The following PCDH11X variants were observed in gnomAD, a reference collection of about 807,000 sequenced individuals.
PCDH11X encodes protocadherin-11 X-linked.
A neutral mutation model predicts 53.3 loss-of-function variants in PCDH11X; 18 were observed. That is an observed-to-expected ratio of 0.34 (90% CI 0.23 to 0.50). The LOEUF is 0.50. Ranked by LOEUF, PCDH11X falls within the 20% of genes least tolerant of loss-of-function variation. The probability of loss-of-function intolerance (pLI) is 0.98; values close to 1 mark genes in which losing one functional copy is unlikely to be tolerated. For synonymous variants in PCDH11X, 279 were observed against 393.3 expected (o/e 0.71, Z 3.44); for missense variants, 570 against 1,032.4 (o/e 0.55, Z 6.14).
intron 8 of PCDH11X, among the ~76,000 whole-genome samples, chrX:92,376,233 G>A (rs1453091498): frequency 1.8e-5 from 2 of 111,898 alleles, no homozygotes; most frequent in African/African-American, 6.5e-5. Context: ...GTGAGCAACT[G>A]TCTTTAATTT....
intron 10 of PCDH11X, among the ~76,000 whole-genome samples, chrX:92,538,325 CATGTT>C (rs2074702637): frequency 3.9e-5 from 4 of 103,220 alleles, no homozygotes; most frequent in Admixed American, 1.1e-4. Flanking sequence ...TTTATTCTGA[CATGTT>C]ATGTCCTTTC....
intron 8 of PCDH11X, among the ~76,000 whole-genome samples, chrX:92,357,375 C>G (rs186346546): frequency 9.0e-6 from 1 of 111,448 alleles, no homozygotes; most frequent in African/African-American, 3.3e-5. Flanking sequence ...AAAACGAAAT[C>G]TAGTCTTTCT....
intron 6 of PCDH11X, among the ~76,000 whole-genome samples, chrX:92,133,202 C>T (rs1238289139): frequency 8.9e-6 from 1 of 111,754 alleles, no homozygotes; most frequent in Non-Finnish European, 1.9e-5. Flanking sequence ...CTAGTTCTGA[C>T]ATCCTTTATG....
intron 9 of PCDH11X, among the ~76,000 whole-genome samples, chrX:92,407,946 C>A (rs1327394251): frequency 9.2e-6 from 1 of 109,030 alleles, no homozygotes; most frequent in Non-Finnish European, 1.9e-5. Flanking sequence ...AGTGCAGTGG[C>A]ATAATCTCGG....
Position 92,576,884 on chromosome X carries a change from C to A in PCDH11X, c.3368-41380C>A, listed in dbSNP as rs777255223. On this transcript the variant is annotated intron_variant, in intron 10 of 10. Coordinates refer to ENST00000682573, the MANE Select transcript of PCDH11X (RefSeq NM_032968.5). ...TTACAGTGTTATAATATTGTTTTATCTGTGTAATTACTACTAGTAGTAAAT... is the reference window on the plus strand; with the variant it reads ...TTACAGTGTTATAATATTGTTTTATATGTGTAATTACTACTAGTAGTAAAT... 9.6e-4 allele frequency among the ~76,000 whole-genome samples: 107 copies of A among 111,389 alleles called. No individual in the cohort carries two copies. The Middle Eastern group carries it at 0.014, about 15-fold the overall frequency.
chrX:92,029,641 A>G (rs1336960042), intron 6 of PCDH11X, among the ~76,000 whole-genome samples: 6 of 110,783 alleles, frequency 5.4e-5, no homozygotes, highest in Non-Finnish European at 7.5e-5. Flanking sequence ...GTTTAGGCTT[A>G]TAGTAGCATA....
intron 7 of PCDH11X, among the ~76,000 whole-genome samples, chrX:92,230,458 T>TATAA (rs1448058565): frequency 1.1e-5 from 1 of 89,558 alleles, no homozygotes; most frequent in Non-Finnish European, 2.1e-5. Context: ...ATATAATTTA[T>TATAA]AAAATATATA....
At position 92,254,912 on chromosome X, in the gene PCDH11X, A is replaced by C. The variant is rs974055654; in HGVS notation, c.3115-8202A>C. 5.8e-4 allele frequency among the ~76,000 whole-genome samples: 59 copies of C among 100,869 alleles called. 1 individual carries two copies. The East Asian group carries it at 0.011, about 19-fold the overall frequency. 87.6% of individuals were successfully genotyped at this position (100,869 alleles called of 115,157 possible). A position where few individuals can be genotyped will look rare whatever the true frequency, so the allele number is the denominator to read the frequency against. On this transcript the variant is annotated intron_variant, in intron 7 of 10. Coordinates refer to ENST00000682573, the MANE Select transcript of PCDH11X (RefSeq NM_032968.5). ...TTCAACTTTGGTGAATCTGACAATT[A>C]TGTGTCTTGGAGTTGCTCTTCTCGA... is the stretch of plus-strand genomic sequence containing the variant.
At chrX:92,482,886 C>T (rs1466267578) in intron 10 of PCDH11X, among the ~76,000 whole-genome samples, 3 of 111,457 alleles carry the variant, frequency 2.7e-5, no homozygotes, top group Non-Finnish European at 5.7e-5. Flanking sequence ...AGAGGAATAT[C>T]ACTTTAAGAA....
In PCDH11X at chrX:92,134,599, ATAGAG is replaced by A. The variant is rs753399312; in HGVS notation, c.3034-66773_3034-66769del. ...GCAAGAAAAAATTTGGGGTGAGTCC[ATAGAG>A]TAAAGTGAAAGCACGTTTATTAGGA... On this transcript the variant is annotated intron_variant, in intron 6 of 10. Coordinates refer to ENST00000682573, the MANE Select transcript of PCDH11X (RefSeq NM_032968.5). Among the ~76,000 whole-genome samples, 982 of 111,437 alleles carry A rather than the reference ATAGAG, an allele frequency of 8.8e-3. 9 individuals are homozygous for A. Among genetic ancestry groups the A allele is most frequent in the Non-Finnish European group, 0.014 (764 of 53,105 alleles).
At chrX:92,143,183 G>C (rs2065215920) in intron 6 of PCDH11X, among the ~76,000 whole-genome samples, 1 of 111,789 alleles carries the variant, frequency 8.9e-6, no homozygotes, top group South Asian at 3.7e-4. Context: ...GGGAGGCTGA[G>C]GTGGGAGGAT....
intron 10 of PCDH11X, among the ~76,000 whole-genome samples, chrX:92,481,327 C>T (rs1166956791): frequency 2.7e-5 from 3 of 110,219 alleles, no homozygotes; most frequent in Non-Finnish European, 5.7e-5. Flanking sequence ...CACACACACA[C>T]ACACACCGAG....
At chrX:92,136,984 C>CT (rs1158660216) in intron 6 of PCDH11X, among the ~76,000 whole-genome samples, 1,590 of 94,741 alleles carry the variant, frequency 0.017, 19 homozygotes, top group Non-Finnish European at 0.022. Flanking sequence ...TTTCTTTTTT[C>CT]TTTTTTTTTT....
At chrX:91,828,414 G>A (rs1227465875) in intron 4 of PCDH11X, among the ~76,000 whole-genome samples, 1 of 111,588 alleles carries the variant, frequency 9.0e-6, no homozygotes, top group Non-Finnish European at 1.9e-5. Context: ...TACTCTAAGT[G>A]TATCACAACT....
At chrX:91,803,311 A>C (rs1357614454) in intron 1 of PCDH11X, among the ~76,000 whole-genome samples, 1 of 110,875 alleles carries the variant, frequency 9.0e-6, no homozygotes, top group Non-Finnish European at 1.9e-5. Context: ...GCAAAATTTG[A>C]TTCCTGAGAA....
At chrX:91,826,195 G>A (rs919153481) in intron 4 of PCDH11X, among the ~76,000 whole-genome samples, 1 of 111,228 alleles carries the variant, frequency 9.0e-6, no homozygotes, top group African/African-American at 3.3e-5. Context: ...TTGCTAAATA[G>A]AGAAAACATT....
rs111384134 is a variant in PCDH11X, at chrX:91,983,341, C to T, written c.3033+104068C>T. 482 of 1,097,419 alleles carry T rather than the reference C, an allele frequency of 4.4e-4. 3 individuals carry two copies. In the African/African-American group the frequency reaches 6.4e-3, roughly 15 times the overall value. 90.4% of individuals were successfully genotyped at this position (1,097,419 alleles called of 1,213,427 possible). ...ATCTGTACTTGGTTTCCAGACTGCC[C>T]GTCACTTTGGTGGTCTCAGTATTGG... On this transcript the variant is annotated intron_variant, in intron 6 of 10. Coordinates refer to ENST00000682573, the MANE Select transcript of PCDH11X (RefSeq NM_032968.5).
In PCDH11X at chrX:91,972,053, C is replaced by T. The variant is rs770233048; in HGVS notation, c.3033+92780C>T. ...ACTTGAAAATTGCTGAACTAGTTTA[C>T]AGTCCCACCAACAGTGTAAAAGTGT... On this transcript the variant is annotated intron_variant, in intron 6 of 10. Transcript: ENST00000682573. Among the ~76,000 whole-genome samples, 296 of 110,054 alleles carry T rather than the reference C, an allele frequency of 2.7e-3. 2 individuals carry two copies. Among genetic ancestry groups the T allele is most frequent in the African/African-American group, 9.3e-3 (280 of 30,231 alleles).
intron 10 of PCDH11X, among the ~76,000 whole-genome samples, chrX:92,603,501 A>T (rs1450703454): frequency 9.2e-6 from 1 of 108,578 alleles, no homozygotes; most frequent in Admixed American, 1.0e-4. Flanking sequence ...AAACACAGAG[A>T]TCCACACGGA....
Sources: allele counts gnomAD v4.1 joint callset (sites outside exome capture counted in the v4.1 genomes callset), GRCh38; gene constraint gnomAD v4.1.1; transcripts MANE v1.5; gene names NCBI Gene and HGNC (gene_info 2026-07-23, HGNC 2026-07-21).